Variants in CDK12 observed in about 807,000 individuals in gnomAD.
CDK12 encodes cyclin dependent kinase 12.
A neutral mutation model predicts 133.8 loss-of-function variants in CDK12; 17 were observed. The observed-to-expected ratio is 0.13, with a 90% CI of 0.09 to 0.19. The LOEUF is 0.19. Among genes scored for constraint, CDK12 ranks in the 10% least tolerant of loss-of-function variants. The probability of loss-of-function intolerance (pLI) is 1.00; values close to 1 mark genes in which losing one functional copy is unlikely to be tolerated. For synonymous variants in CDK12, 694 were observed against 683.6 expected (o/e 1.02, Z -0.24); for missense variants, 1,508 against 1,818.7 (o/e 0.83, Z 3.11).
At chr17:39,520,408 A>G (rs773396335) in intron 11 of CDK12, among the ~76,000 whole-genome samples, 5 of 151,636 alleles carry the variant, frequency 3.3e-5, no homozygotes, top group African/African-American at 7.3e-5. Context: ...TTATTTATTT[A>G]TTTATTTTTG....
In CDK12 at chr17:39,462,839, G is replaced by C. The variant is rs763781757; in HGVS notation, c.768G>C (p.Ser256=). 6.2e-7 allele frequency: 1 copy of C among 1,614,120 alleles called. No homozygotes were observed. The highest frequency in any genetic ancestry group is 8.5e-7 in the Non-Finnish European group (1 of 1,180,028). Reference sequence around the variant, plus strand: ...TTAGTCCCTCACGATCTCATACCTCGAGCAATTATGACTCCTACAAGAAAA... The same window carrying C: ...TTAGTCCCTCACGATCTCATACCTCCAGCAATTATGACTCCTACAAGAAAA... ...YDLSPSRSHT[S]SNYDSYKKSP... Residue 256 remains serine (S), a synonymous_variant, in exon 1 of 14, where the codon TCG becomes TCC. Transcript: ENST00000447079.
Position 39,524,903 on chromosome 17 carries a change from G to T in CDK12, c.3307+18G>T, listed in dbSNP as rs940129033. 2.2e-5 allele frequency: 35 copies of T among 1,588,688 alleles called. No individual in the cohort carries two copies. Among genetic ancestry groups the T allele is most frequent in the Non-Finnish European group, 3.0e-5 (35 of 1,163,968 alleles). On this transcript the variant is annotated intron_variant, in intron 12 of 13. Coordinates refer to ENST00000447079, the MANE Select transcript of CDK12 (RefSeq NM_016507.4). ...TGCAATAGGTCAGTGCCAGAATGGG[G>T]CCTTTGTGCTTTTGCTAAGCGTATT... is the stretch of plus-strand genomic sequence containing the variant.
chr17:39,555,501 A>C (rs919737238), intron 2 of CDK12, among the ~76,000 whole-genome samples: 1 of 151,962 alleles, frequency 6.6e-6, no homozygotes, highest in African/African-American at 2.4e-5. Flanking sequence ...AGTCAGGAAC[A>C]GCTCCATTCC....
intron 9 of CDK12, 38 bp from the exon 10 acceptor site, chr17:39,517,402 C>A: frequency 8.9e-7 from 1 of 1,128,028 alleles, no homozygotes; most frequent in South Asian, 1.3e-5. Flanking sequence ...GATGTTGACT[C>A]ACTCACTCCA....
intron 3 of CDK12, 21 bp downstream of exon 3, chr17:39,490,754 G>A (rs2145825576): frequency 1.3e-6 from 2 of 1,561,222 alleles, no homozygotes; most frequent in Non-Finnish European, 8.7e-7. Flanking sequence ...GGAGGAATCT[G>A]TCTTTCATGA....
In CDK12 at chr17:39,531,085, G is replaced by A. The variant is rs747706230; in HGVS notation, c.4242G>A (p.Pro1414=). ...CCAGGGTCCCCTTAGCGTTACACCC[G>A]GTGGTCGGGCAACCATTCCTGAAGG... ...RFARVPLALH[P]VVGQPFLKAE... is the part of the protein sequence containing the mutation. The change falls in exon 14 of 14, where the codon CCG becomes CCA. Residue 1414 remains proline, a synonymous_variant. Coordinates refer to ENST00000447079, the MANE Select transcript of CDK12 (RefSeq NM_016507.4). 2.3e-5 allele frequency: 36 copies of A among 1,597,690 alleles called. No homozygotes were observed. Among genetic ancestry groups the A allele is most frequent in the Non-Finnish European group, 2.6e-5 (30 of 1,173,228 alleles).
intron 5 of CDK12, among the ~76,000 whole-genome samples, chr17:39,500,519 G>T (rs2052643051): frequency 6.6e-6 from 1 of 151,872 alleles, no homozygotes; most frequent in Admixed American, 6.6e-5. Flanking sequence ...TGTAATCCCA[G>T]CTACTTGGGA....
intron 7 of CDK12, among the ~76,000 whole-genome samples, chr17:39,511,239 TGAG>T (rs2053490823): frequency 8.8e-6 from 1 of 113,086 alleles, no homozygotes; most frequent in East Asian, 2.7e-4. Flanking sequence ...AAAAAAAAAA[TGAG>T]ATCTTGCTGT....
At position 39,510,114 on chromosome 17, in the gene CDK12, C is replaced by CTTT. The variant is rs762953806; in HGVS notation, c.2666+373_2666+375dup. 3.8e-3 allele frequency among the ~76,000 whole-genome samples: 473 copies of CTTT among 125,460 alleles called. 12 individuals are homozygous for CTTT. Among genetic ancestry groups the CTTT allele is most frequent in the African/African-American group, 0.014 (428 of 30,970 alleles). 82.3% of individuals were successfully genotyped at this position (125,460 alleles called of 152,430 possible). ...ACCGCACCTGGGCAACAATCTCTCT[C>CTTT]TTTTTTTTTTTTTTTTTTTTTTGAA... On this transcript the variant is annotated intron_variant, in intron 7 of 13. Transcript: ENST00000447079.
chr17:39,495,668 G>A (rs867931166), intron 5 of CDK12, among the ~76,000 whole-genome samples: 3 of 151,394 alleles, frequency 2.0e-5, no homozygotes, highest in East Asian at 2.0e-4. Context: ...GGTGGCAGGC[G>A]CCTGTAGTCC....
At chr17:39,503,873 G>A (rs1434431193) in intron 6 of CDK12, among the ~76,000 whole-genome samples, 2 of 152,158 alleles carry the variant, frequency 1.3e-5, no homozygotes, top group Admixed American at 1.3e-4. Flanking sequence ...GATTCCAAAT[G>A]AGACCAAATC....
intron 6 of CDK12, among the ~76,000 whole-genome samples, chr17:39,504,552 A>G (rs1242414656): frequency 6.6e-6 from 1 of 152,062 alleles, no homozygotes; most frequent in African/African-American, 2.4e-5. Context: ...TTAATTTTTA[A>G]TTTTAAGGAT....
At chr17:39,501,570 A>G (rs901728807) in intron 6 of CDK12, 131 bp downstream of exon 6, 6 of 602,618 alleles carry the variant, frequency 1.0e-5, no homozygotes, top group Admixed American at 3.5e-5. Context: ...GATATTTCCT[A>G]CGTTCAGTGT....
chr17:39,554,893 CA>C (rs11367982), intron 2 of CDK12, among the ~76,000 whole-genome samples: 55,362 of 87,238 alleles, frequency 0.63, 15,016 homozygotes, highest in South Asian at 0.82. Flanking sequence ...GACTCCGTCT[CA>C]AAAAAAAAAA....
At chr17:39,497,981 C>T (rs1254127192) in intron 5 of CDK12, among the ~76,000 whole-genome samples, 1 of 149,602 alleles carries the variant, frequency 6.7e-6, no homozygotes, top group East Asian at 2.0e-4. Flanking sequence ...CTCTCCCTCT[C>T]TCTTTCTCTC....
chr17:39,506,039 G>C (rs1405309012), intron 6 of CDK12, among the ~76,000 whole-genome samples: 1 of 151,970 alleles, frequency 6.6e-6, no homozygotes, highest in Non-Finnish European at 1.5e-5. Context: ...AGTGTAAGAG[G>C]GTAGGGGATG....
At position 39,532,855 on chromosome 17, in the gene CDK12, A is replaced by G. The variant is rs1305761243; in HGVS notation, c.*1539A>G. 1 of 232,884 alleles carries G rather than the reference A, an allele frequency of 4.3e-6. No homozygotes were observed. The highest frequency in any genetic ancestry group is 2.2e-5 in the African/African-American group (1 of 45,336). The allele number at this position is 232,884 out of a possible 1,614,324, so 14.4% of individuals were successfully genotyped here. On this transcript the variant is annotated 3_prime_UTR_variant, in exon 14 of 14. Transcript: ENST00000447079. ...TTCTGGCTTCTATTTCTATGTGAGTACCAGCATATAGAGTGTTTTAAAAAC... is the reference window on the plus strand; with the variant it reads ...TTCTGGCTTCTATTTCTATGTGAGTGCCAGCATATAGAGTGTTTTAAAAAC...
At chr17:39,523,648 A>G (rs926922637) in intron 11 of CDK12, among the ~76,000 whole-genome samples, 23 of 152,082 alleles carry the variant, frequency 1.5e-4, no homozygotes, top group African/African-American at 5.3e-4. Context: ...CTCCAAAGAA[A>G]TGTCCAAATT....
chr17:39,470,081 A>G (rs1049052555), intron 1 of CDK12, among the ~76,000 whole-genome samples: 2 of 151,976 alleles, frequency 1.3e-5, no homozygotes, highest in Non-Finnish European at 2.9e-5. Context: ...AGTAGTAGAT[A>G]ATTTTATTGT....
Sources: gnomAD v4.1 joint callset for allele counts (sites outside exome capture counted in the v4.1 genomes callset) on GRCh38, gnomAD v4.1.1 for gene constraint, MANE v1.5 for transcripts, NCBI Gene and HGNC (gene_info 2026-07-23, HGNC 2026-07-21) for gene names.